AFM: variants seen among roughly 807,000 people sequenced by gnomAD.
The protein encoded by AFM is alpha-Alb.
AFM carries 82 observed loss-of-function variants against 68.7 expected under a neutral mutation model. That is an observed-to-expected ratio of 1.19 (90% CI 1.00 to 1.43). The LOEUF is 1.43. AFM is among the 40% of genes most tolerant of loss of function. The probability of loss-of-function intolerance (pLI) is 0.00; values close to 1 mark genes in which losing one functional copy is unlikely to be tolerated. For missense variants in AFM, 772 were observed against 701.8 expected, an observed-to-expected ratio of 1.10 and a Z score of -1.13; for synonymous variants, 250 against 234.2, an observed-to-expected ratio of 1.07 and a Z score of -0.61.
At chr4:73,484,914 A>C (rs1720848910) in intron 3 of AFM, among the ~76,000 whole-genome samples, 1 of 152,162 alleles carries the variant, frequency 6.6e-6, no homozygotes, top group African/African-American at 2.4e-5. Flanking sequence ...TATGAAATGA[A>C]AGATGTTCTG....
At chr4:73,497,137 G>A (rs1007375573) in intron 9 of AFM, among the ~76,000 whole-genome samples, 3 of 152,174 alleles carry the variant, frequency 2.0e-5, no homozygotes, top group Non-Finnish European at 4.4e-5. Flanking sequence ...CCACATGAGA[G>A]ATAGTCCATC....
At position 73,484,489 on chromosome 4, in the gene AFM, T is replaced by TCTTC. The variant is rs1553894004; in HGVS notation, c.270+102_270+103insCCTT. 1.7e-3 allele frequency: 1,314 copies of TCTTC among 789,318 alleles called. 6 individuals carry two copies. The highest frequency in any genetic ancestry group is 1.9e-3 in the Non-Finnish European group (1,050 of 543,664). 48.9% of individuals were successfully genotyped at this position (789,318 alleles called of 1,614,324 possible). On this transcript the variant is annotated intron_variant, in intron 3 of 14. Transcript: ENST00000226355. ...TTCTTTCTTTCTTTCTTTCTTTCTT[T>TCTTC]CTTTCTTTCTTTCTTTCATTCTTTC...
intron 8 of AFM, among the ~76,000 whole-genome samples, chr4:73,493,146 T>C (rs1371641624): frequency 6.6e-6 from 1 of 152,156 alleles, no homozygotes; most frequent in Non-Finnish European, 1.5e-5. Context: ...TTGTTGTGTA[T>C]GTGGCTGTGA....
intron 3 of AFM, among the ~76,000 whole-genome samples, chr4:73,484,760 C>T (rs1045762606): frequency 2.0e-5 from 3 of 152,066 alleles, no homozygotes; most frequent in African/African-American, 7.2e-5. Flanking sequence ...TGGTCTCAAA[C>T]TCCTGACCCC....
Position 73,484,314 on chromosome 4 carries a change from A to C in AFM, c.194A>C (p.Lys65Thr). ...GAAGCAACCTTTGAAGAAATGGAAA[A>C]GCTGGTGAAAGACATGGTAGAATAC... ...VQEATFEEME[K>T]LVKDMVEYKD... is the part of the protein sequence containing the mutation. Residue 65 changes from lysine (K) to threonine (T), a missense_variant, in exon 3 of 15, where the codon AAG becomes ACG. Physicochemically the swap from Lys to Thr is moderately conservative, Grantham distance 78. Transcript: ENST00000226355. The C allele has an allele frequency of 6.2e-7, 1 of 1,613,624 alleles. No homozygotes were observed. The highest frequency in any genetic ancestry group is 1.3e-5 in the African/African-American group (1 of 75,016).
rs778711483 is a variant in AFM at position 73,501,784 on chromosome 4, C to A, written c.1647-3C>A. On this transcript the variant is annotated splice_region_variant and splice_polypyrimidine_tract_variant and intron_variant, in intron 12 of 14. Coordinates refer to ENST00000226355, the MANE Select transcript of AFM (RefSeq NM_001133.2). ...AATTTTATTTGACATCTTTTGGCCA[C>A]AGGTTTCTTGTCAACTTAGTGAAGC... 1 of 1,610,418 alleles carries A rather than the reference C, an allele frequency of 6.2e-7. No individual in the cohort carries two copies. The highest frequency in any genetic ancestry group is 1.7e-5 in the Admixed American group (1 of 59,058).
chr4:73,503,076 G>C lies in AFM; in HGVS notation c.*6G>C, dbSNP rs1261802789. 1 of 1,613,056 alleles carries C rather than the reference G, an allele frequency of 6.2e-7. No individual in the cohort carries two copies. Among genetic ancestry groups the C allele is most frequent in the Admixed American group, 1.7e-5 (1 of 59,914 alleles). On this transcript the variant is annotated 3_prime_UTR_variant, in exon 14 of 15. Coordinates refer to ENST00000226355, the MANE Select transcript of AFM (RefSeq NM_001133.2). ...GTCCAAAAATTGGCAACTGAAGCCA[G>C]CTGCTGGAGATATGTAAAGAAAAAA...
chr4:73,493,599 C>G (rs764854291), intron 8 of AFM, among the ~76,000 whole-genome samples: 1 of 152,096 alleles, frequency 6.6e-6, no homozygotes, highest in African/African-American at 2.4e-5. Flanking sequence ...TAAAAACAAC[C>G]CTCTGAAGTT....
chr4:73,497,132 T>C (rs573479449), intron 9 of AFM, among the ~76,000 whole-genome samples: 1 of 152,334 alleles, frequency 6.6e-6, no homozygotes, highest in East Asian at 1.9e-4. Context: ...TTATGCCACA[T>C]GAGAGATAGT....
Position 73,490,531 on chromosome 4 carries a change from T to G in AFM, c.844-1341T>G, listed in dbSNP as rs960209043. Among the ~76,000 whole-genome samples, 5 of 152,176 alleles carry G rather than the reference T, an allele frequency of 3.3e-5. No individual in the cohort carries two copies. The East Asian group carries it at 9.6e-4, about 29-fold the overall frequency. Reference sequence around the variant, plus strand: ...GCCTCCTGGGTTCACGCCATTCTCCTGCCTCAGCCTCCTGAGTAGCTGGGA... The same window carrying G: ...GCCTCCTGGGTTCACGCCATTCTCCGGCCTCAGCCTCCTGAGTAGCTGGGA... On this transcript the variant is annotated intron_variant, in intron 7 of 14. Coordinates refer to ENST00000226355, the MANE Select transcript of AFM (RefSeq NM_001133.2).
At chr4:73,487,638 A>G in intron 5 of AFM, 86 bp from the exon 6 acceptor site, 1 of 898,130 alleles carries the variant, frequency 1.1e-6, no homozygotes, top group South Asian at 1.6e-5. Context: ...CAAATTTTGT[A>G]ATAGTTTGAA....
rs1045307808 is a variant in AFM at position 73,487,092 on chromosome 4, A to C, written c.608A>C (p.Gln203Pro). 1.2e-6 allele frequency: 2 copies of C among 1,613,978 alleles called. No individual in the cohort carries two copies. The highest frequency in any genetic ancestry group is 1.7e-5 in the Admixed American group (1 of 59,992). Residue 203 changes from glutamine to proline, a missense_variant, in exon 5 of 15, where the codon CAA becomes CCA. Coordinates refer to ENST00000226355, the MANE Select transcript of AFM (RefSeq NM_001133.2). Reference sequence around the variant, plus strand: ...GAACAAAACAAAGTCAACTGCCTTCAAACAAGGGTGGGTATAGCATTTGTT... The same window carrying C: ...GAACAAAACAAAGTCAACTGCCTTCCAACAAGGGTGGGTATAGCATTTGTT... ...CEEQNKVNCL[Q>P]TRAIPVTQYL... is the part of the protein sequence containing the mutation.
intron 8 of AFM, among the ~76,000 whole-genome samples, chr4:73,494,053 G>GT (rs1721176256): frequency 1.3e-5 from 1 of 76,996 alleles, no homozygotes; most frequent in African/African-American, 4.9e-5. Flanking sequence ...TTTGAGACAT[G>GT]TTTTTAGGTG....
intron 1 of AFM, among the ~76,000 whole-genome samples, chr4:73,482,149 T>C (rs1720731347): frequency 6.6e-6 from 1 of 152,226 alleles, no homozygotes; most frequent in Non-Finnish European, 1.5e-5. Flanking sequence ...TGGATTTTAA[T>C]GTTGGTATTT....
Position 73,497,657 on chromosome 4 carries a change from C to T in AFM, c.1197C>T (p.Asp399=). ...NPPGCYRYAE[D]KFNETTEKSL... ...ATGATTATTCTTATTTTCAGGAAGACAAATTCAATGAGACAACTGAGAAAA... is the reference window on the plus strand; with the variant it reads ...ATGATTATTCTTATTTTCAGGAAGATAAATTCAATGAGACAACTGAGAAAA... Residue 399 remains aspartate, a synonymous_variant, in exon 10 of 15, where the codon GAC becomes GAT. Coordinates refer to ENST00000226355, the MANE Select transcript of AFM (RefSeq NM_001133.2). 1 of 1,596,928 alleles carries T rather than the reference C, an allele frequency of 6.3e-7. No homozygotes were observed. Among genetic ancestry groups the T allele is most frequent in the Non-Finnish European group, 8.6e-7 (1 of 1,169,534 alleles).
chr4:73,491,345 T>A (rs1397172946), intron 7 of AFM, among the ~76,000 whole-genome samples: 1 of 152,214 alleles, frequency 6.6e-6, no homozygotes, highest in Non-Finnish European at 1.5e-5. Flanking sequence ...AATGATACCA[T>A]GAGTGGAATA....
At chr4:73,499,296 A>C (rs764770438) in intron 11 of AFM, 50 bp downstream of exon 11, 10 of 1,417,704 alleles carry the variant, frequency 7.1e-6, no homozygotes, top group Non-Finnish European at 9.4e-6. Context: ...TTTTTAAAAA[A>C]AAGAATATTT....
chr4:73,495,532 T>C, intron 9 of AFM, 100 bp downstream of exon 9: 1 of 1,449,252 alleles, frequency 6.9e-7, no homozygotes, highest in Admixed American at 2.3e-5. Context: ...GGGTAGAAAA[T>C]GTGATTGGCT....
chr4:73,484,163 T>C, intron 2 of AFM, 95 bp from the exon 3 acceptor site: 4 of 1,480,700 alleles, frequency 2.7e-6, no homozygotes, highest in Non-Finnish European at 3.6e-6. Context: ...ATAGATAATT[T>C]CCTGAGGCTA....
Sources: gnomAD v4.1 joint callset for allele counts (sites outside exome capture counted in the v4.1 genomes callset) on GRCh38, gnomAD v4.1.1 for gene constraint, MANE v1.5 for transcripts, NCBI Gene and HGNC (gene_info 2026-07-23, HGNC 2026-07-21) for gene names.